The following AKAP13 variants were observed in gnomAD, a reference collection of about 807,000 sequenced individuals.
AKAP13 encodes A-kinase anchor protein 13.
AKAP13 carries 80 observed loss-of-function variants against 264.5 expected under a neutral mutation model. The observed-to-expected ratio is 0.30, with a 90% CI of 0.25 to 0.36. AKAP13 has a LOEUF of 0.36. Among genes scored for constraint, AKAP13 ranks in the 10% least tolerant of loss-of-function variants. The pLI, the probability that AKAP13 is intolerant of heterozygous loss-of-function variation, is 1.00. For synonymous variants in AKAP13, 1,380 were observed against 1,250.2 expected (o/e 1.10, Z -2.19); for missense variants, 3,712 against 3,435.2 (o/e 1.08, Z -2.01).
At chr15:85,414,725 T>G (rs1443964334) in intron 1 of AKAP13, among the ~76,000 whole-genome samples, 2 of 152,262 alleles carry the variant, frequency 1.3e-5, no homozygotes, top group Non-Finnish European at 2.9e-5. Flanking sequence ...TAATTTGTTC[T>G]TGTTTCTTTT....
chr15:85,452,219 GTTTTT>G (rs36006368), intron 1 of AKAP13, among the ~76,000 whole-genome samples: 1 of 140,758 alleles, frequency 7.1e-6, no homozygotes, highest in Admixed American at 7.0e-5. Flanking sequence ...ATCCCTTAGG[GTTTTT>G]TTTTTTTTTT....
chr15:85,411,619 C>T (rs941293312), intron 1 of AKAP13, among the ~76,000 whole-genome samples: 2 of 151,908 alleles, frequency 1.3e-5, no homozygotes, highest in African/African-American at 4.8e-5. Flanking sequence ...TTGTATCTTT[C>T]GTAGAGACAG....
At chr15:85,703,187 G>C (rs114381240) in intron 17 of AKAP13, among the ~76,000 whole-genome samples, 1,759 of 152,270 alleles carry the variant, frequency 0.012, 31 homozygotes, top group African/African-American at 0.038. Flanking sequence ...TTGCCCTCTA[G>C]ACAGTTTTCT....
chr15:85,636,874 C>G (rs565217822), intron 8 of AKAP13, among the ~76,000 whole-genome samples: 1 of 152,326 alleles, frequency 6.6e-6, no homozygotes, highest in East Asian at 1.9e-4. Flanking sequence ...CTTGGCTTCC[C>G]AAAGTGCTGG....
At chr15:85,709,033 T>C (rs1474607867) in intron 18 of AKAP13, among the ~76,000 whole-genome samples, 1 of 152,202 alleles carries the variant, frequency 6.6e-6, no homozygotes, top group East Asian at 1.9e-4. Context: ...TGGCAAAGAA[T>C]AGGATAGCCA....
At chr15:85,588,611 AT>A (rs922626932) in intron 8 of AKAP13, among the ~76,000 whole-genome samples, 2 of 152,204 alleles carry the variant, frequency 1.3e-5, no homozygotes, top group Admixed American at 6.5e-5. Flanking sequence ...AAAACAAAAC[AT>A]GACTTAAAGA....
At chr15:85,585,000 G>A (rs1443185050) in intron 7 of AKAP13, among the ~76,000 whole-genome samples, 1 of 152,190 alleles carries the variant, frequency 6.6e-6, no homozygotes, top group Non-Finnish European at 1.5e-5. Flanking sequence ...CCATGTGGTG[G>A]TCAGGTAACA....
At chr15:85,421,303 T>A (rs1226527697) in intron 1 of AKAP13, among the ~76,000 whole-genome samples, 1 of 152,222 alleles carries the variant, frequency 6.6e-6, no homozygotes, top group Non-Finnish European at 1.5e-5. Flanking sequence ...ATCTGCACAT[T>A]TGAACTTGTG....
At chr15:85,613,713 T>TATATATATATATA (rs1254657975) in intron 8 of AKAP13, among the ~76,000 whole-genome samples, 18 of 110,882 alleles carry the variant, frequency 1.6e-4, no homozygotes, top group Admixed American at 1.6e-4. Flanking sequence ...TATATATATA[T>TATATATATATATA]TAGGAGTGCT....
At chr15:85,533,470 T>C in intron 3 of AKAP13, 114 bp from the exon 4 acceptor site, 3 of 1,044,156 alleles carry the variant, frequency 2.9e-6, no homozygotes, top group Non-Finnish European at 3.9e-6. Flanking sequence ...GGAGGGGGTG[T>C]TTTTTAGGAG....
chr15:85,531,970 A>G lies in AKAP13; in HGVS notation c.182-1614A>G, dbSNP rs369482298. Among the ~76,000 whole-genome samples, 290 of 152,298 alleles carry G rather than the reference A, an allele frequency of 1.9e-3. 2 individuals carry two copies. Among genetic ancestry groups the G allele is most frequent in the Non-Finnish European group, 3.3e-3 (227 of 68,032 alleles). ...TACAAAACCCTTGCATCCTGATATA[A>G]TAGACCATGTCCTTTGGCATCAGCC... On this transcript the variant is annotated intron_variant, in intron 3 of 36. Transcript: ENST00000394518.
rs2087650791 is a variant in AKAP13 at position 85,726,887 on chromosome 15, TC to T, written c.6823-178del. The stretch of plus-strand genomic sequence containing the variant: ...ATAAATTACTATTTCCCTTTTGAAA[TC>T]TTTTTTTGTTAAAATCTGAATGAAA... On this transcript the variant is annotated intron_variant, in intron 27 of 36. Coordinates refer to ENST00000394518, the MANE Select transcript of AKAP13 (RefSeq NM_007200.5). 20 of 674,590 alleles carry T rather than the reference TC, an allele frequency of 3.0e-5. 1 individual carries two copies. In the South Asian group the frequency reaches 4.4e-4, roughly 15 times the overall value. 41.8% of individuals were successfully genotyped at this position (674,590 alleles called of 1,614,324 possible).
intron 17 of AKAP13, among the ~76,000 whole-genome samples, chr15:85,694,478 C>A (rs1597086249): frequency 6.6e-6 from 1 of 152,222 alleles, no homozygotes; most frequent in Non-Finnish European, 1.5e-5. Context: ...CTTATGGATA[C>A]TGAAATTTGA....
intron 4 of AKAP13, among the ~76,000 whole-genome samples, chr15:85,539,709 TAGAA>T (rs1567113764): frequency 2.0e-5 from 3 of 152,100 alleles, no homozygotes; most frequent in Admixed American, 6.6e-5. Context: ...TATAAGTAAA[TAGAA>T]AGCAGGATGT....
chr15:85,419,514 G>A (rs961166060), intron 1 of AKAP13, among the ~76,000 whole-genome samples: 7 of 152,180 alleles, frequency 4.6e-5, no homozygotes, highest in African/African-American at 1.7e-4. Context: ...TTAGTTGCAA[G>A]ATAGATGAAA....
chr15:85,544,595 G>T (rs547571656), intron 5 of AKAP13, among the ~76,000 whole-genome samples: 35 of 152,264 alleles, frequency 2.3e-4, no homozygotes, highest in African/African-American at 7.9e-4. Context: ...TCTAGAGGAA[G>T]GTTGTTAGTC....
At chr15:85,386,393 A>G (rs957117836) in intron 1 of AKAP13, among the ~76,000 whole-genome samples, 1 of 151,802 alleles carries the variant, frequency 6.6e-6, no homozygotes, top group African/African-American at 2.4e-5. Flanking sequence ...TCCCGGGTTC[A>G]AGTGATTCTC....
At chr15:85,662,461 AT>A (rs1272445126) in intron 12 of AKAP13, 1 of 1,613,934 alleles carries the variant, frequency 6.2e-7, no homozygotes, top group East Asian at 2.2e-5. Context: ...AAGGTATGAT[AT>A]TGTTATGTGT....
intron 1 of AKAP13, chr15:85,415,306 G>A (rs1445948592): frequency 6.3e-7 from 1 of 1,575,006 alleles, no homozygotes; most frequent in Non-Finnish European, 8.7e-7. Flanking sequence ...AAGGAGCTAG[G>A]AGTGGGAATA....
Sources: allele counts gnomAD v4.1 joint callset (sites outside exome capture counted in the v4.1 genomes callset), GRCh38; gene constraint gnomAD v4.1.1; transcripts MANE v1.5; gene names NCBI Gene and HGNC (gene_info 2026-07-23, HGNC 2026-07-21).